The following GALNTL6 variants were observed in gnomAD, a reference collection of about 807,000 sequenced individuals.
GALNTL6 encodes polypeptide N-acetylgalactosaminyltransferase-like 6.
GALNTL6 carries 46 observed loss-of-function variants against 73.7 expected under a neutral mutation model. The observed-to-expected ratio is 0.62, with a 90% CI of 0.49 to 0.80. The LOEUF (loss-of-function observed/expected upper bound fraction) is 0.80. Among genes scored for constraint, GALNTL6 ranks in the 30% least tolerant of loss-of-function variants. The pLI, the probability that GALNTL6 is intolerant of heterozygous loss-of-function variation, is 0.00. For synonymous variants in GALNTL6, 259 were observed against 263.7 expected (o/e 0.98, Z 0.17); for missense variants, 604 against 755.0 (o/e 0.80, Z 2.34).
intron 2 of GALNTL6, among the ~76,000 whole-genome samples, chr4:172,173,346 G>A (rs1180752577): frequency 3.3e-5 from 5 of 152,152 alleles, no homozygotes; most frequent in Non-Finnish European, 5.9e-5. Flanking sequence ...TGGGGGAGGA[G>A]GGCTCTGCTA....
chr4:172,697,073 C>T (rs961539491), intron 5 of GALNTL6, among the ~76,000 whole-genome samples: 1 of 152,152 alleles, frequency 6.6e-6, no homozygotes, highest in African/African-American at 2.4e-5. Context: ...TCATGATACT[C>T]AATCAACAGA....
intron 5 of GALNTL6, among the ~76,000 whole-genome samples, chr4:172,671,297 C>G (rs1457651683): frequency 6.6e-6 from 1 of 151,968 alleles, no homozygotes; most frequent in Non-Finnish European, 1.5e-5. Flanking sequence ...GAATGTTTTT[C>G]CATTTGTTTG....
intron 2 of GALNTL6, among the ~76,000 whole-genome samples, chr4:172,102,084 T>C (rs1283118984): frequency 3.9e-5 from 6 of 152,182 alleles, no homozygotes; most frequent in African/African-American, 1.4e-4. Flanking sequence ...AAAATATTAA[T>C]GAAATATCTT....
intron 9 of GALNTL6, 23 bp from the exon 10 acceptor site, chr4:172,952,014 A>ATT: frequency 2.8e-6 from 4 of 1,421,258 alleles, no homozygotes; most frequent in Admixed American, 2.6e-5. Context: ...AATAAATGAC[A>ATT]TTTTTGTTTT....
At chr4:172,872,124 A>C (rs1005304815) in intron 7 of GALNTL6, among the ~76,000 whole-genome samples, 1 of 152,172 alleles carries the variant, frequency 6.6e-6, no homozygotes, top group Non-Finnish European at 1.5e-5. Context: ...AAAGATACAG[A>C]GATATTTGGG....
chr4:172,477,010 C>T (rs1029472802), intron 5 of GALNTL6, among the ~76,000 whole-genome samples: 2 of 150,148 alleles, frequency 1.3e-5, no homozygotes, highest in Admixed American at 6.6e-5. Flanking sequence ...CTGCAAGCTC[C>T]GCCTCCCGGG....
At chr4:172,594,968 G>A (rs1160767276) in intron 5 of GALNTL6, among the ~76,000 whole-genome samples, 1 of 152,144 alleles carries the variant, frequency 6.6e-6, no homozygotes, top group Non-Finnish European at 1.5e-5. Context: ...GGTCAGGGTG[G>A]CCCCGTGGTT....
chr4:172,348,947 C>A (rs1741847954), intron 5 of GALNTL6, among the ~76,000 whole-genome samples: 1 of 152,144 alleles, frequency 6.6e-6, no homozygotes, highest in South Asian at 2.1e-4. Flanking sequence ...CAAAATGCCT[C>A]AAATTCTACT....
intron 5 of GALNTL6, among the ~76,000 whole-genome samples, chr4:172,588,879 A>G (rs1284637345): frequency 6.6e-6 from 1 of 152,194 alleles, no homozygotes; most frequent in Non-Finnish European, 1.5e-5. Context: ...TCTAACCATA[A>G]TGAAGGCAAT....
At chr4:172,061,772 A>G (rs901017620) in intron 2 of GALNTL6, among the ~76,000 whole-genome samples, 7 of 151,874 alleles carry the variant, frequency 4.6e-5, no homozygotes, top group African/African-American at 7.3e-5. Context: ...TTTATTTTAG[A>G]CCACTAAACA....
rs4048464 is a variant in GALNTL6, at chr4:172,443,121, CATATATAT to C, written c.553+94467_553+94474del. ...GAAATCACCAGTAATGATCCATATA[CATATATAT>C]ATATATATATATATATATATATATA... is the stretch of plus-strand genomic sequence containing the variant. On this transcript the variant is annotated intron_variant, in intron 5 of 12. Coordinates refer to ENST00000506823, the MANE Select transcript of GALNTL6 (RefSeq NM_001034845.3). Among the ~76,000 whole-genome samples the C allele has an allele frequency of 3.2e-3, 166 of 52,010 alleles. 1 individual carries two copies. The highest frequency in any genetic ancestry group is 4.5e-3 in the African/African-American group (81 of 18,040). 34.1% of individuals were successfully genotyped at this position (52,010 alleles called of 152,430 possible).
intron 2 of GALNTL6, among the ~76,000 whole-genome samples, chr4:172,104,178 C>T (rs28480489): frequency 0.37 from 56,686 of 151,906 alleles, 10,895 homozygotes; most frequent in Non-Finnish European, 0.4. Context: ...CTCCTGACCT[C>T]GTGATCCGCC....
At chr4:171,839,332 T>A (rs973966493) in intron 2 of GALNTL6, among the ~76,000 whole-genome samples, 1 of 152,180 alleles carries the variant, frequency 6.6e-6, no homozygotes, top group Non-Finnish European at 1.5e-5. Context: ...TTAAAAAAAA[T>A]CTGCCTGACT....
chr4:172,698,301 A>G (rs537078127), intron 5 of GALNTL6, among the ~76,000 whole-genome samples: 1 of 150,930 alleles, frequency 6.6e-6, no homozygotes, highest in Admixed American at 6.6e-5. Flanking sequence ...TTATTTGAAG[A>G]CCTCCCACAG....
At chr4:172,287,440 T>C (rs1329108348) in intron 3 of GALNTL6, among the ~76,000 whole-genome samples, 2 of 152,216 alleles carry the variant, frequency 1.3e-5, no homozygotes, top group African/African-American at 4.8e-5. Flanking sequence ...TTAGGAGATC[T>C]ACAAAATAGA....
chr4:172,748,846 G>C (rs190872403), intron 5 of GALNTL6, among the ~76,000 whole-genome samples: 2 of 152,226 alleles, frequency 1.3e-5, no homozygotes, highest in Admixed American at 1.3e-4. Flanking sequence ...AATGTATACA[G>C]GTATTGTACT....
At chr4:171,988,835 G>C (rs563968075) in intron 2 of GALNTL6, among the ~76,000 whole-genome samples, 2 of 151,882 alleles carry the variant, frequency 1.3e-5, no homozygotes, top group Admixed American at 6.6e-5. Context: ...GGGCATGATC[G>C]GTCGCTAAGG....
chr4:172,577,095 G>A (rs1038588197), intron 5 of GALNTL6, among the ~76,000 whole-genome samples: 2 of 152,100 alleles, frequency 1.3e-5, no homozygotes, highest in Admixed American at 6.5e-5. Context: ...TCCTTCCCTG[G>A]TCTCCACTAG....
At chr4:172,275,353 GCA>G (rs1738791102) in intron 3 of GALNTL6, among the ~76,000 whole-genome samples, 1 of 152,146 alleles carries the variant, frequency 6.6e-6, no homozygotes, top group Non-Finnish European at 1.5e-5. Flanking sequence ...GAATCACATT[GCA>G]GAGTATTTGT....
Sources: allele counts gnomAD v4.1 joint callset (sites outside exome capture counted in the v4.1 genomes callset), GRCh38; gene constraint gnomAD v4.1.1; transcripts MANE v1.5; gene names NCBI Gene and HGNC (gene_info 2026-07-23, HGNC 2026-07-21).